Variants in NDUFB5 observed in about 807,000 individuals in gnomAD.
NDUFB5 encodes the protein NADH:ubiquinone oxidoreductase subunit B5, also known as NADH dehydrogenase [ubiquinone] 1 beta subcomplex subunit 5, mitochondrial.
Under a neutral mutation model 19.4 loss-of-function variants are expected in NDUFB5, and 19 were observed. The observed-to-expected ratio is 0.98, with a 90% CI of 0.68 to 1.43. NDUFB5 has a LOEUF of 1.43. NDUFB5 is among the 40% of genes most tolerant of loss of function. The pLI is 0.00. For missense variants in NDUFB5, 233 were observed against 236.5 expected (o/e 0.99, Z 0.10); for synonymous variants, 80 against 82.6 (o/e 0.97, Z 0.17).
Position 179,614,997 on chromosome 3 carries a change from G to T in NDUFB5, c.151G>T (p.Gly51Trp). 1 of 1,609,996 alleles carries T rather than the reference G, an allele frequency of 6.2e-7. No individual in the cohort carries two copies. Among genetic ancestry groups the T allele is most frequent in the South Asian group, 1.1e-5 (1 of 90,516 alleles). The change falls in exon 2 of 6, where the codon GGG becomes TGG. Residue 51 changes from glycine to tryptophan, a missense_variant. Gly to Trp is a radical substitution (Grantham distance 184). Transcript: ENST00000259037. ...TCCTGTTCGACACAGTGGAGACCAT[G>T]GGAAAAGACTATTTGTCATCAGACC... ...AAPVRHSGDH[G>W]KRLFVIRPSR...
rs929135686 is a variant in NDUFB5 at position 179,625,087 on chromosome 3, A to G, written c.*1047A>G. ...ACAGGCCTGAGCCACTGCACCCAAC[A>G]TTATTTTCAAAATGACAAGAGGTAG... On this transcript the variant is annotated 3_prime_UTR_variant, in exon 6 of 6. Coordinates refer to ENST00000259037, the MANE Select transcript of NDUFB5 (RefSeq NM_002492.4). The G allele has an allele frequency of 2.0e-5, 3 of 152,118 alleles. No individual in the cohort carries two copies. Among genetic ancestry groups the G allele is most frequent in the Admixed American group, 1.3e-4 (2 of 15,258 alleles). The allele number at this position is 152,118 out of a possible 1,614,324, so 9.4% of individuals were successfully genotyped here.
At position 179,627,272 on chromosome 3, in the gene NDUFB5, GAA is replaced by G. The variant is rs982413207; in HGVS notation, c.*3234_*3235del. 2.0e-5 allele frequency: 3 copies of G among 152,172 alleles called. No individual in the cohort carries two copies. Among genetic ancestry groups the G allele is most frequent in the Non-Finnish European group, 4.4e-5 (3 of 68,042 alleles). The allele number at this position is 152,172 out of a possible 1,614,324, so 9.4% of individuals were successfully genotyped here. ...CGTAAGAAAACCCAATTCCCCCTGA[GAA>G]AGAGAAAGAGCTGGAGTCCTTTAAA... On this transcript the variant is annotated 3_prime_UTR_variant, in exon 6 of 6. Transcript: ENST00000259037.
intron 1 of NDUFB5, among the ~76,000 whole-genome samples, chr3:179,606,881 A>G (rs1244686102): frequency 1.3e-5 from 2 of 152,246 alleles, no homozygotes; most frequent in African/African-American, 2.4e-5. Flanking sequence ...TGGAAACATG[A>G]TGCAAAGAAC....
intron 5 of NDUFB5, among the ~76,000 whole-genome samples, chr3:179,619,600 C>T (rs796243824): frequency 1.6e-4 from 24 of 152,164 alleles, no homozygotes; most frequent in African/African-American, 5.8e-4. Flanking sequence ...CAGTCTATCA[C>T]TGTTGGACAT....
In NDUFB5 at chr3:179,624,603, A is replaced by ACACACACACACACACACC. The variant is rs1719625351; in HGVS notation, c.*564_*565insACACACACACACACACCC. ...CACACACACACACACACACACACAC[A>ACACACACACACACACACC]CGCTCTTTTCCTAGATGCAATCTCT... On this transcript the variant is annotated 3_prime_UTR_variant, in exon 6 of 6. Coordinates refer to ENST00000259037, the MANE Select transcript of NDUFB5 (RefSeq NM_002492.4). The ACACACACACACACACACC allele has an allele frequency of 6.7e-6, 1 of 148,826 alleles. No homozygotes were observed. The highest frequency in any genetic ancestry group is 1.5e-5 in the Non-Finnish European group (1 of 67,684). 9.2% of individuals were successfully genotyped at this position (148,826 alleles called of 1,614,324 possible).
chr3:179,612,844 A>G (rs889816782), intron 1 of NDUFB5, among the ~76,000 whole-genome samples: 1 of 152,176 alleles, frequency 6.6e-6, no homozygotes, highest in Non-Finnish European at 1.5e-5. Context: ...CTAAGCTGAA[A>G]ATAGATTGTC....
chr3:179,618,710 G>A (rs1397574575), intron 5 of NDUFB5, among the ~76,000 whole-genome samples, 189 bp downstream of exon 5: 1 of 152,128 alleles, frequency 6.6e-6, no homozygotes, highest in Non-Finnish European at 1.5e-5. Context: ...AATTAGCCGG[G>A]CGTGGTGGTA....
chr3:179,608,627 T>C (rs1249403609), intron 1 of NDUFB5, among the ~76,000 whole-genome samples: 1 of 152,220 alleles, frequency 6.6e-6, no homozygotes, highest in Non-Finnish European at 1.5e-5. Context: ...TGTGCACTTA[T>C]CTAAAGACAA....
intron 1 of NDUFB5, among the ~76,000 whole-genome samples, chr3:179,611,126 T>C (rs918175433): frequency 1.3e-5 from 2 of 152,154 alleles, no homozygotes; most frequent in African/African-American, 4.8e-5. Flanking sequence ...TTTGATTTTG[T>C]AGGCAACAGA....
chr3:179,615,208 T>A (rs532720792), intron 2 of NDUFB5, 149 bp downstream of exon 2: 1 of 445,286 alleles, frequency 2.2e-6, no homozygotes, highest in South Asian at 3.2e-5. Context: ...CTGTAAAGTC[T>A]GATTTGTTAT....
intron 1 of NDUFB5, among the ~76,000 whole-genome samples, chr3:179,610,676 G>C (rs1045471263): frequency 1.1e-4 from 17 of 152,266 alleles, no homozygotes; most frequent in Middle Eastern, 3.4e-3. Context: ...GTGCTGTCAT[G>C]TTCTTCATCA....
intron 2 of NDUFB5, 30 bp downstream of exon 2, chr3:179,615,089 T>TCC: frequency 6.7e-7 from 1 of 1,490,080 alleles, no homozygotes; most frequent in South Asian, 1.2e-5. Flanking sequence ...TGAATTAAAG[T>TCC]CTTTGCATGT....
rs182818659 is a variant in NDUFB5, at chr3:179,620,609, A to G, written c.449+2088A>G. Among the ~76,000 whole-genome samples the G allele has an allele frequency of 1.7e-3, 259 of 152,260 alleles. 2 individuals are homozygous for G. Among genetic ancestry groups the G allele is most frequent in the African/African-American group, 5.7e-3 (235 of 41,540 alleles). On this transcript the variant is annotated intron_variant, in intron 5 of 5. Coordinates refer to ENST00000259037, the MANE Select transcript of NDUFB5 (RefSeq NM_002492.4). ...GTTTTGGTTACTGTAGCCTTGTAGT[A>G]TAGTTTGAAGTCAGGTAGCGTGATG...
At chr3:179,618,837 T>C (rs13325172) in intron 5 of NDUFB5, among the ~76,000 whole-genome samples, 97,237 of 151,634 alleles carry the variant, frequency 0.64, 31,425 homozygotes, top group East Asian at 0.89. Context: ...GGTGGCAGTG[T>C]GAGACTCCGT....
chr3:179,615,902 A>G, intron 2 of NDUFB5, 81 bp from the exon 3 acceptor site: 1 of 1,072,722 alleles, frequency 9.3e-7, no homozygotes, highest in South Asian at 1.3e-5. Context: ...AAGAAATATG[A>G]GGAAATCATA....
intron 1 of NDUFB5, chr3:179,607,626 G>A (rs1378889415): frequency 6.5e-6 from 4 of 612,704 alleles, no homozygotes; most frequent in South Asian, 4.0e-5. Context: ...TAAGTGCACC[G>A]TTCAGTGGTA....
chr3:179,604,937 C>G lies in NDUFB5; in HGVS notation c.122C>G (p.Ala41Gly). The change falls in exon 1 of 6, where the codon GCT (alanine) becomes GGT (glycine). Residue 41 changes from alanine to glycine, a missense_variant and splice_region_variant. Transcript: ENST00000259037. ...CTCACTCGTGGCTTTCCGAAGGCTGCTGGTGGGTGCTGGCCTAGGGAGAAC... is the reference window on the plus strand; with the variant it reads ...CTCACTCGTGGCTTTCCGAAGGCTGGTGGTGGGTGCTGGCCTAGGGAGAAC... ...GFLTRGFPKA[A>G]APVRHSGDHG... is the part of the protein sequence containing the mutation. 1 of 1,581,378 alleles carries G rather than the reference C, an allele frequency of 6.3e-7. No homozygotes were observed. Among genetic ancestry groups the G allele is most frequent in the East Asian group, 2.2e-5 (1 of 44,644 alleles).
intron 5 of NDUFB5, among the ~76,000 whole-genome samples, chr3:179,623,430 T>C (rs890363820): frequency 2.0e-5 from 3 of 152,194 alleles, no homozygotes; most frequent in African/African-American, 7.2e-5. Flanking sequence ...CCCAGCACTT[T>C]GGGAGGCCAA....
chr3:179,624,104 C>A lies in NDUFB5; in HGVS notation c.*64C>A. 7.0e-7 allele frequency: 1 copy of A among 1,432,144 alleles called. No individual in the cohort carries two copies. The highest frequency in any genetic ancestry group is 1.3e-5 in the South Asian group (1 of 75,350). 88.7% of individuals were successfully genotyped at this position (1,432,144 alleles called of 1,614,324 possible). On this transcript the variant is annotated 3_prime_UTR_variant, in exon 6 of 6. Coordinates refer to ENST00000259037, the MANE Select transcript of NDUFB5 (RefSeq NM_002492.4). Reference sequence around the variant, plus strand: ...TGGAAAATAAATTAATAAATATATTCTGTATTTTTGCTCTCCGTGAAAAAC... The same window carrying A: ...TGGAAAATAAATTAATAAATATATTATGTATTTTTGCTCTCCGTGAAAAAC...
Sources: gnomAD v4.1 joint callset for allele counts (sites outside exome capture counted in the v4.1 genomes callset) on GRCh38, gnomAD v4.1.1 for gene constraint, MANE v1.5 for transcripts, NCBI Gene and HGNC (gene_info 2026-07-23, HGNC 2026-07-21) for gene names.